Variants in PCDHGB2 observed in about 807,000 individuals in gnomAD.
The protein encoded by PCDHGB2 is protocadherin gamma-B2.
In PCDHGB2, 55 loss-of-function variants were observed where a neutral mutation model predicts 59.3. The ratio of observed to expected loss-of-function variants is 0.93; its 90% CI spans 0.75 to 1.16. The LOEUF (loss-of-function observed/expected upper bound fraction) is 1.16. Among genes scored for constraint, PCDHGB2 ranks in the 50% most tolerant of loss-of-function variants. PCDHGB2 has a pLI of 0.00. For missense variants in PCDHGB2, 1,228 were observed against 1,198.5 expected (o/e 1.02, Z -0.36); for synonymous variants, 516 against 512.0 (o/e 1.01, Z -0.11).
chr5:141,402,942 G>A, intron 1 of PCDHGB2: 1 of 1,591,382 alleles, frequency 6.3e-7, no homozygotes, highest in Non-Finnish European at 8.6e-7. Flanking sequence ...AAATTCCAAA[G>A]CGAGGCAGCA....
In PCDHGB2 at chr5:141,486,645, C is replaced by G. The variant is rs369948556; in HGVS notation, c.2422-8162C>G. ...GACTCTGGCTTGAATGCGCTTATCT[C>G]CTACTCACTCCTGGAGCCCAGGAAT... On this transcript the variant is annotated intron_variant, in intron 1 of 3. Coordinates refer to ENST00000522605, the MANE Select transcript of PCDHGB2 (RefSeq NM_018923.3). The surrounding 1 kb of genome is among the most constrained non-coding windows in gnomAD (Gnocchi z 5.0). 4.3e-6 allele frequency: 7 copies of G among 1,613,752 alleles called. No individual in the cohort carries two copies. The Admixed American group carries it at 6.7e-5, about 15-fold the overall frequency.
intron 1 of PCDHGB2, among the ~76,000 whole-genome samples, chr5:141,453,673 AC>A (rs1459216908): frequency 6.6e-6 from 1 of 152,230 alleles, no homozygotes; most frequent in African/African-American, 2.4e-5. Flanking sequence ...ACAAAAGGTA[AC>A]ACACTATGTA....
intron 1 of PCDHGB2, among the ~76,000 whole-genome samples, chr5:141,381,392 A>G (rs887778756): frequency 6.6e-6 from 1 of 152,096 alleles, no homozygotes; most frequent in Non-Finnish European, 1.5e-5. Flanking sequence ...ATTTAGTTTT[A>G]CTCTATCAAC....
At chr5:141,419,729 G>A in intron 1 of PCDHGB2, 1 of 1,613,758 alleles carries the variant, frequency 6.2e-7, no homozygotes, top group Non-Finnish European at 8.5e-7. Context: ...GCTGCGAACA[G>A]GCGAGGTGCG....
chr5:141,432,753 C>G lies in PCDHGB2; in HGVS notation c.2422-62054C>G. ...ACTGTCACGCTCACCGTGGCCGTGGCCGACAGCATCCCCCAAGTCCTGGCG... is the reference window on the plus strand; with the variant it reads ...ACTGTCACGCTCACCGTGGCCGTGGGCGACAGCATCCCCCAAGTCCTGGCG... On this transcript the variant is annotated intron_variant, in intron 1 of 3. Coordinates refer to ENST00000522605, the MANE Select transcript of PCDHGB2 (RefSeq NM_018923.3). The surrounding 1 kb of genome is among the most constrained non-coding windows in gnomAD (Gnocchi z 6.0). 1 of 1,614,138 alleles carries G rather than the reference C, an allele frequency of 6.2e-7. No individual in the cohort carries two copies. The highest frequency in any genetic ancestry group is 8.5e-7 in the Non-Finnish European group (1 of 1,179,996).
chr5:141,396,695 T>G (rs920549434), intron 1 of PCDHGB2: 1 of 152,226 alleles, frequency 6.6e-6, no homozygotes, highest in Non-Finnish European at 1.5e-5. Context: ...CATACCTTCT[T>G]GTAGCATTTG....
In PCDHGB2 at chr5:141,394,525, G is replaced by T; in HGVS notation, c.2421+31969G>T. ...CTGTACCCCGCCCTCCCCACAGACG[G>T]TTCCACTGGCGTGGAGCTGGCGCCC... On this transcript the variant is annotated intron_variant, in intron 1 of 3. Coordinates refer to ENST00000522605, the MANE Select transcript of PCDHGB2 (RefSeq NM_018923.3). 3 of 1,614,228 alleles carry T rather than the reference G, an allele frequency of 1.9e-6. No homozygotes were observed. The East Asian group carries it at 6.7e-5, about 36-fold the overall frequency.
At chr5:141,376,432 G>C (rs1402207776) in intron 1 of PCDHGB2, 6 of 1,614,084 alleles carry the variant, frequency 3.7e-6, no homozygotes, top group African/African-American at 1.3e-5. Flanking sequence ...TCAACCAGGA[G>C]AGCTATGAGA....
intron 1 of PCDHGB2, chr5:141,385,782 T>G (rs1169105462): frequency 6.2e-6 from 1 of 160,564 alleles, no homozygotes; most frequent in Non-Finnish European, 1.3e-5. Context: ...TCCATGTACC[T>G]CAGCTTGGTG....
chr5:141,389,538 G>A (rs772693461), intron 1 of PCDHGB2: 1 of 1,613,186 alleles, frequency 6.2e-7, no homozygotes, highest in Admixed American at 1.7e-5. Context: ...GTTAGTGGAC[G>A]ACCGCAACGA....
In PCDHGB2 at chr5:141,457,491, A is replaced by G. The variant is rs1462989353; in HGVS notation, c.2422-37316A>G. Among the ~76,000 whole-genome samples, 9 of 152,368 alleles carry G rather than the reference A, an allele frequency of 5.9e-5. No individual in the cohort carries two copies. The East Asian group carries it at 1.5e-3, about 26-fold the overall frequency. On this transcript the variant is annotated intron_variant, in intron 1 of 3. Transcript: ENST00000522605. ...ATAAGCAGGGCCAGGGTTAGTCTAA[A>G]ATGTAGGCAAAAAGCTTAAAAACAA...
rs537850909 is a variant in PCDHGB2 at position 141,441,865 on chromosome 5, G to A, written c.2422-52942G>A. ...CTTGGATATGGTGCTGCACGCCGCG[G>A]AGCCTGGCTACCTGGTCACCAAGGT... On this transcript the variant is annotated intron_variant, in intron 1 of 3. Coordinates refer to ENST00000522605, the MANE Select transcript of PCDHGB2 (RefSeq NM_018923.3). The A allele has an allele frequency of 4.0e-4, 138 of 345,718 alleles. 1 individual carries two copies. The Admixed American group carries it at 4.6e-3, about 12-fold the overall frequency. The allele number at this position is 345,718 out of a possible 1,614,324, so 21.4% of individuals were successfully genotyped here. A position where few individuals can be genotyped will look rare whatever the true frequency, so the allele number is the denominator to read the frequency against.
At chr5:141,474,912 C>T (rs1018411233) in intron 1 of PCDHGB2, among the ~76,000 whole-genome samples, 6 of 152,214 alleles carry the variant, frequency 3.9e-5, no homozygotes, top group African/African-American at 1.2e-4. Flanking sequence ...CAAGGATATA[C>T]ATCTCATCTC....
chr5:141,423,288 C>T, intron 1 of PCDHGB2: 1 of 1,586,414 alleles, frequency 6.3e-7, no homozygotes, highest in African/African-American at 1.3e-5. Context: ...ACTCTGAAAC[C>T]TCAGACCTCT....
In PCDHGB2 at chr5:141,361,758, G is replaced by A. The variant is rs1388339327; in HGVS notation, c.1623G>A (p.Ala541=). The A allele has an allele frequency of 2.5e-6, 4 of 1,612,942 alleles. No individual in the cohort carries two copies. Among genetic ancestry groups the A allele is most frequent in the Non-Finnish European group, 3.4e-6 (4 of 1,179,716 alleles). Residue 541 remains alanine (A), a synonymous_variant, in exon 1 of 4, where the codon GCG becomes GCA. Transcript: ENST00000522605. ...TLQARDQGSP[A]LSANVSLRVL... ...AGGCCCGCGACCAGGGCTCGCCCGC[G>A]CTCAGCGCCAACGTGAGCCTGCGCG...
chr5:141,393,497 C>T (rs375522990), intron 1 of PCDHGB2: 705 of 1,613,952 alleles, frequency 4.4e-4, no homozygotes, highest in Non-Finnish European at 5.6e-4. Flanking sequence ...CAGTGCGCAT[C>T]CACGTGACAG....
Position 141,362,201 on chromosome 5 carries a change from A to G in PCDHGB2, c.2066A>G (p.Gln689Arg). The part of the protein sequence containing the change: ...REPSDPQAKL[Q>R]FYLVVALALI... The stretch of plus-strand genomic sequence containing the variant: ...CCCTCTGACCCCCAGGCAAAACTGC[A>G]GTTTTACCTGGTTGTGGCCTTGGCC... Residue 689 changes from glutamine (Q) to arginine (R), a missense_variant, in exon 1 of 4, where the codon CAG (glutamine) becomes CGG (arginine). Around this residue, in one of 3 missense-constraint regions of PCDHGB2, gnomAD observed 433 missense variants for 441.8 expected, o/e 0.98. Coordinates refer to ENST00000522605, the MANE Select transcript of PCDHGB2 (RefSeq NM_018923.3). 7 of 1,613,962 alleles carry G rather than the reference A, an allele frequency of 4.3e-6. No homozygotes were observed. Among genetic ancestry groups the G allele is most frequent in the Non-Finnish European group, 5.9e-6 (7 of 1,179,890 alleles).
chr5:141,509,691 AC>A (rs1471858383), intron 3 of PCDHGB2, among the ~76,000 whole-genome samples: 5 of 152,064 alleles, frequency 3.3e-5, no homozygotes, highest in African/African-American at 1.2e-4. Flanking sequence ...GTACAGTGGG[AC>A]GTTGGACTGG....
chr5:141,391,264 G>T (rs1427432631), intron 1 of PCDHGB2: 1 of 151,768 alleles, frequency 6.6e-6, no homozygotes, highest in Non-Finnish European at 1.5e-5. Context: ...TCAGTTAATG[G>T]CCACTTTACA....
Sources: gnomAD v4.1 joint callset for allele counts (sites outside exome capture counted in the v4.1 genomes callset) on GRCh38, gnomAD v4.1.1 for gene constraint, gnomAD v4.1.1 regional missense constraint, Gnocchi (gnomAD v3.1) non-coding constraint, MANE v1.5 for transcripts, NCBI Gene and HGNC (gene_info 2026-07-23, HGNC 2026-07-21) for gene names.